The following PDPK1 variants were observed in gnomAD, a reference collection of about 807,000 sequenced individuals.
PDPK1 encodes 3-phosphoinositide-dependent protein kinase 1.
In PDPK1, 7 loss-of-function variants were observed where a neutral mutation model predicts 39.8. That is an observed-to-expected ratio of 0.18 (90% CI 0.10 to 0.33). The LOEUF (loss-of-function observed/expected upper bound fraction) is 0.33. PDPK1 is among the 10% of genes least tolerant of loss of function. The probability of loss-of-function intolerance (pLI) is 1.00; values close to 1 mark genes in which losing one functional copy is unlikely to be tolerated. For synonymous variants in PDPK1, 118 were observed against 159.1 expected (o/e 0.74, Z 1.95); for missense variants, 182 against 384.7 (o/e 0.47, Z 4.41).
At position 2,580,298 on chromosome 16, in the gene PDPK1, C is replaced by T. The variant is rs1327392719; in HGVS notation, c.786-997C>T. On this transcript the variant is annotated intron_variant, in intron 7 of 13. Coordinates refer to ENST00000342085, the MANE Select transcript of PDPK1 (RefSeq NM_002613.5). ...GGGTTTCCATGGATTCACACACTGG[C>T]GTGTGTCTGATGCGCCACCCAACCT... Among the ~76,000 whole-genome samples, 5 of 145,280 alleles carry T rather than the reference C, an allele frequency of 3.4e-5. No individual in the cohort carries two copies. The East Asian group carries it at 1.0e-3, about 30-fold the overall frequency.
chr16:2,553,012 C>T (rs1325433704), intron 1 of PDPK1, among the ~76,000 whole-genome samples: 1 of 145,372 alleles, frequency 6.9e-6, no homozygotes, highest in South Asian at 2.1e-4. Flanking sequence ...CACAGCTCCC[C>T]GCCTTCCCTT....
At chr16:2,546,628 C>A (rs894234746) in intron 1 of PDPK1, among the ~76,000 whole-genome samples, 1 of 152,216 alleles carries the variant, frequency 6.6e-6, no homozygotes, top group Non-Finnish European at 1.5e-5. Context: ...CCGTGCCCGG[C>A]CTTCCTTAGT....
Position 2,600,235 on chromosome 16 carries a change from G to A in PDPK1, c.*2468G>A, listed in dbSNP as rs1341775004. 22 of 233,304 alleles carry A rather than the reference G, an allele frequency of 9.4e-5. No individual in the cohort carries two copies. The highest frequency in any genetic ancestry group is 3.4e-4 in the Admixed American group (6 of 17,790). The allele number at this position is 233,304 out of a possible 1,614,324, so 14.5% of individuals were successfully genotyped here. A position where few individuals can be genotyped will look rare whatever the true frequency, so the allele number is the denominator to read the frequency against. On this transcript the variant is annotated 3_prime_UTR_variant, in exon 14 of 14. Transcript: ENST00000342085. ...ATAGACACACTTACGTGGAATTACA[G>A]TTGTGGGTTTATCCAAGATGAGGAA...
rs1052300991 is a variant in PDPK1, at chr16:2,598,697, G to A, written c.*930G>A. On this transcript the variant is annotated 3_prime_UTR_variant, in exon 14 of 14. Transcript: ENST00000342085. ...GCTGACTTCCGTGTGGAGCAGAGAGGCCTGAGGGCCTCCTAAAAGGTTTAA... is the reference window on the plus strand; with the variant it reads ...GCTGACTTCCGTGTGGAGCAGAGAGACCTGAGGGCCTCCTAAAAGGTTTAA... The A allele has an allele frequency of 8.6e-6, 2 of 233,204 alleles. No homozygotes were observed. Among genetic ancestry groups the A allele is most frequent in the African/African-American group, 4.4e-5 (2 of 45,352 alleles). The allele number at this position is 233,204 out of a possible 1,614,324, so 14.4% of individuals were successfully genotyped here. A position where few individuals can be genotyped will look rare whatever the true frequency, so the allele number is the denominator to read the frequency against.
intron 1 of PDPK1, among the ~76,000 whole-genome samples, chr16:2,553,032 A>G (rs376092164): frequency 6.9e-5 from 10 of 145,002 alleles, no homozygotes; most frequent in African/African-American, 2.6e-4. Context: ...TGGGGGTGGT[A>G]CGTGCACCTG....
chr16:2,589,145 G>C (rs71386676), intron 11 of PDPK1, among the ~76,000 whole-genome samples: 1 of 152,040 alleles, frequency 6.6e-6, no homozygotes, highest in Non-Finnish European at 1.5e-5. Context: ...TAGTAGAGAA[G>C]GGGTTTCACC....
rs1372775773 is a variant in PDPK1, at chr16:2,599,892, G to A, written c.*2125G>A. 1.3e-5 allele frequency: 3 copies of A among 233,280 alleles called. No individual in the cohort carries two copies. The highest frequency in any genetic ancestry group is 6.6e-5 in the African/African-American group (3 of 45,356). The allele number at this position is 233,280 out of a possible 1,614,324, so 14.5% of individuals were successfully genotyped here. A position where few individuals can be genotyped will look rare whatever the true frequency, so the allele number is the denominator to read the frequency against. On this transcript the variant is annotated 3_prime_UTR_variant, in exon 14 of 14. Transcript: ENST00000342085. Reference sequence around the variant, plus strand: ...CTTCCGTGCGTTCTTCCTCTGGATAGAACCACCACCTCCTGGGCGTCACTG... The same window carrying A: ...CTTCCGTGCGTTCTTCCTCTGGATAAAACCACCACCTCCTGGGCGTCACTG...
At chr16:2,590,991 C>G (rs1356619103) in intron 11 of PDPK1, among the ~76,000 whole-genome samples, 1 of 145,694 alleles carries the variant, frequency 6.9e-6, no homozygotes, top group African/African-American at 2.6e-5. Context: ...GAAACGGAGT[C>G]TCATTCTGTC....
chr16:2,597,269 C>T lies in PDPK1; in HGVS notation c.1548C>T (p.Val516=), dbSNP rs1364558223. ...CCAAGAATTTTAAAACTTTCTTTGT[C>T]CACACGGTGAGTCTGTTCCCAGGGA... ...PEAKNFKTFF[V]HTPNRTYYLM... is the part of the protein sequence containing the mutation. Residue 516 remains valine (V), a synonymous_variant, in exon 13 of 14, where the codon GTC becomes GTT. Transcript: ENST00000342085. This position sits in a 1 kb window ranked among gnomAD's most constrained non-coding sequence, Gnocchi z 6.3. The T allele has an allele frequency of 6.3e-7, 1 of 1,584,076 alleles. No homozygotes were observed. Among genetic ancestry groups the T allele is most frequent in the Non-Finnish European group, 8.6e-7 (1 of 1,157,088 alleles).
rs1567177797 is a variant in PDPK1, at chr16:2,602,151, A to G, written c.*4384A>G. 8.5e-6 allele frequency: 2 copies of G among 234,512 alleles called. No individual in the cohort carries two copies. The highest frequency in any genetic ancestry group is 1.7e-5 in the Non-Finnish European group (2 of 117,970). 14.5% of individuals were successfully genotyped at this position (234,512 alleles called of 1,614,324 possible). A position where few individuals can be genotyped will look rare whatever the true frequency, so the allele number is the denominator to read the frequency against. On this transcript the variant is annotated 3_prime_UTR_variant, in exon 14 of 14. Coordinates refer to ENST00000342085, the MANE Select transcript of PDPK1 (RefSeq NM_002613.5). Reference sequence around the variant, plus strand: ...ACTTTGTTCTGGAAGATGTTGTCATACACTTTTCCCCAGTTATTTTCAAAC... The same window carrying G: ...ACTTTGTTCTGGAAGATGTTGTCATGCACTTTTCCCCAGTTATTTTCAAAC...
chr16:2,602,791 A>G lies in PDPK1; in HGVS notation c.*5024A>G, dbSNP rs2067244298. On this transcript the variant is annotated 3_prime_UTR_variant, in exon 14 of 14. Transcript: ENST00000342085. Reference sequence around the variant, plus strand: ...TACAGACAAAGCAAAAATTAAAAGAACTTATGAAAACAAATGCAATGATAC... The same window carrying G: ...TACAGACAAAGCAAAAATTAAAAGAGCTTATGAAAACAAATGCAATGATAC... 4.3e-6 allele frequency: 1 copy of G among 234,364 alleles called. No individual in the cohort carries two copies. Among genetic ancestry groups the G allele is most frequent in the African/African-American group, 2.2e-5 (1 of 45,340 alleles). 14.5% of individuals were successfully genotyped at this position (234,364 alleles called of 1,614,324 possible). A position where few individuals can be genotyped will look rare whatever the true frequency, so the allele number is the denominator to read the frequency against.
rs1485194185 is a variant in PDPK1, at chr16:2,599,095, C to T, written c.*1328C>T. 4.3e-5 allele frequency: 10 copies of T among 233,344 alleles called. No homozygotes were observed. Among genetic ancestry groups the T allele is most frequent in the African/African-American group, 6.6e-5 (3 of 45,362 alleles). The allele number at this position is 233,344 out of a possible 1,614,324, so 14.5% of individuals were successfully genotyped here. On this transcript the variant is annotated 3_prime_UTR_variant, in exon 14 of 14. Transcript: ENST00000342085. Reference sequence around the variant, plus strand: ...GGTGGCCTTGCCCCGCTCTGCAGCACAGACAGGCCAGATGCATTTGTCCTT... The same window carrying T: ...GGTGGCCTTGCCCCGCTCTGCAGCATAGACAGGCCAGATGCATTTGTCCTT...
Position 2,588,209 on chromosome 16 carries a change from C to T in PDPK1, c.1343+1316C>T, listed in dbSNP as rs188467910. On this transcript the variant is annotated intron_variant, in intron 11 of 13. Coordinates refer to ENST00000342085, the MANE Select transcript of PDPK1 (RefSeq NM_002613.5). ...CCTGTGCAGAGATGCTGGCAGGCAG[C>T]AACAGTCTACAGCTAGGGGCTCTGA... Among the ~76,000 whole-genome samples the T allele has an allele frequency of 1.3e-4, 20 of 152,292 alleles. No individual in the cohort carries two copies. The East Asian group carries it at 3.9e-3, about 29-fold the overall frequency.
chr16:2,603,087 CCTT>C lies in PDPK1; in HGVS notation c.*5321_*5323del, dbSNP rs1173239838. Reference sequence around the variant, plus strand: ...CATATAATTTAATGAATCTGTTTATCCTTTTTTTTTTTCCAAATACTTGTGCTT... The same window carrying C: ...CATATAATTTAATGAATCTGTTTATCTTTTTTTTTCCAAATACTTGTGCTT... On this transcript the variant is annotated 3_prime_UTR_variant, in exon 14 of 14. Transcript: ENST00000342085. The C allele has an allele frequency of 4.4e-6, 1 of 226,340 alleles. No individual in the cohort carries two copies. Among genetic ancestry groups the C allele is most frequent in the South Asian group, 1.8e-4 (1 of 5,454 alleles). The allele number at this position is 226,340 out of a possible 1,614,324, so 14.0% of individuals were successfully genotyped here. A position where few individuals can be genotyped will look rare whatever the true frequency, so the allele number is the denominator to read the frequency against.
intron 10 of PDPK1, 92 bp from the exon 11 acceptor site, chr16:2,586,584 A>AG (rs2066879970): frequency 8.9e-7 from 1 of 1,119,652 alleles, no homozygotes; most frequent in Non-Finnish European, 1.3e-6. Flanking sequence ...CGAGCTCCCA[A>AG]GGCCTGACAG....
intron 11 of PDPK1, 64 bp downstream of exon 11, chr16:2,586,957 A>G (rs2141993874): frequency 7.0e-7 from 1 of 1,419,542 alleles, no homozygotes; most frequent in East Asian, 2.3e-5. Flanking sequence ...GTGGGGGCTT[A>G]TGGTGGGTGC....
At position 2,538,156 on chromosome 16, in the gene PDPK1, C is replaced by T; in HGVS notation, c.24+20C>T. 9.5e-7 allele frequency: 1 copy of T among 1,055,188 alleles called. No individual in the cohort carries two copies. Among genetic ancestry groups the T allele is most frequent in the Non-Finnish European group, 1.1e-6 (1 of 874,210 alleles). The allele number at this position is 1,055,188 out of a possible 1,614,324, so 65.4% of individuals were successfully genotyped here. ...CAGCTGGTGAGCGCGCGGCGGCGGA[C>T]TGGACGCGCCGGTTTGTTACCCTGC... On this transcript the variant is annotated intron_variant, in intron 1 of 13. Transcript: ENST00000342085.
chr16:2,543,996 A>G (rs983113306), intron 1 of PDPK1, among the ~76,000 whole-genome samples: 3 of 151,722 alleles, frequency 2.0e-5, no homozygotes, highest in African/African-American at 7.3e-5. Context: ...CGGCCCCCCA[A>G]AGTGGTGGGA....
At chr16:2,556,456 G>C (rs2066497892) in intron 1 of PDPK1, among the ~76,000 whole-genome samples, 1 of 121,586 alleles carries the variant, frequency 8.2e-6, no homozygotes. Context: ...CCTCTGCCTT[G>C]CAGGTTGAAG....
Sources: allele counts gnomAD v4.1 joint callset (sites outside exome capture counted in the v4.1 genomes callset), GRCh38; gene constraint gnomAD v4.1.1; non-coding constraint Gnocchi (gnomAD v3.1); transcripts MANE v1.5; gene names NCBI Gene and HGNC (gene_info 2026-07-23, HGNC 2026-07-21).